SBNO2: variants seen among roughly 807,000 people sequenced by gnomAD.
The protein encoded by SBNO2 is protein strawberry notch homolog 2.
SBNO2 carries 89 observed loss-of-function variants against 146.3 expected under a neutral mutation model. The ratio of observed to expected loss-of-function variants is 0.61; its 90% CI spans 0.51 to 0.73. The LOEUF (loss-of-function observed/expected upper bound fraction) is 0.73. Among genes scored for constraint, SBNO2 ranks in the 30% least tolerant of loss-of-function variants. The pLI, the probability that SBNO2 is intolerant of heterozygous loss-of-function variation, is 0.00. For synonymous variants in SBNO2, 1,147 were observed against 892.6 expected (o/e 1.29, Z -5.08); for missense variants, 2,092 against 2,003.7 (o/e 1.04, Z -0.84).
At chr19:1,152,596 G>T (rs1306499160) in intron 2 of SBNO2, among the ~76,000 whole-genome samples, 2 of 151,058 alleles carry the variant, frequency 1.3e-5, no homozygotes, top group Non-Finnish European at 3.0e-5. Flanking sequence ...AACTAGGGAG[G>T]GGGACAGGAG....
At chr19:1,168,821 G>C (rs998132924) in intron 1 of SBNO2, 3 of 152,200 alleles carry the variant, frequency 2.0e-5, no homozygotes, top group Non-Finnish European at 4.4e-5. Context: ...AAGTGAGTCA[G>C]TTCCAGAAAC....
At chr19:1,133,032 G>A (rs549994959) in intron 4 of SBNO2, among the ~76,000 whole-genome samples, 1 of 152,306 alleles carries the variant, frequency 6.6e-6, no homozygotes, top group Admixed American at 6.5e-5. Flanking sequence ...GCATCACAGG[G>A]GCCTAGACAC....
Position 1,122,658 on chromosome 19 carries a change from C to T in SBNO2, c.914G>A (p.Trp305Ter). 1 of 1,534,736 alleles carries T rather than the reference C, an allele frequency of 6.5e-7. No homozygotes were observed. Among genetic ancestry groups the T allele is most frequent in the Non-Finnish European group, 8.7e-7 (1 of 1,145,920 alleles). ...NHLRGRKKAL[W>*]FSVSNDLKYD... Reference sequence around the variant, plus strand: ...CCCCCTGCCCCAGGCAGGGCCTCACCACAATGCTTTCTTCCGGCCGCGCAG... The same window carrying T: ...CCCCCTGCCCCAGGCAGGGCCTCACTACAATGCTTTCTTCCGGCCGCGCAG... Residue 305 changes from tryptophan (W) to a stop codon, truncating the protein, a stop_gained and splice_region_variant, in exon 9 of 32, where the codon TGG (tryptophan) becomes TAG (stop). Transcript: ENST00000361757. LOFTEE classifies it high-confidence loss of function.
chr19:1,166,138 CCCCAGACCCCAGA>C (rs2080420735), intron 1 of SBNO2, among the ~76,000 whole-genome samples: 1 of 62,888 alleles, frequency 1.6e-5, no homozygotes, highest in African/African-American at 6.3e-5. Flanking sequence ...GACTTCAGAT[CCCCAGACCCCAGA>C]TCCCAGACTT....
At position 1,114,139 on chromosome 19, in the gene SBNO2, C is replaced by T. The variant is rs889470390; in HGVS notation, c.2077+92G>A. 4 of 1,201,626 alleles carry T rather than the reference C, an allele frequency of 3.3e-6. No homozygotes were observed. In the South Asian group the frequency reaches 7.2e-5, roughly 22 times the overall value. The allele number at this position is 1,201,626 out of a possible 1,614,324, so 74.4% of individuals were successfully genotyped here. ...GGTGACCGCCAGGAGGCCGGGGGAGCCTCAGGCTGGAATCCTGACCCAGAG... is the reference window on the plus strand; with the variant it reads ...GGTGACCGCCAGGAGGCCGGGGGAGTCTCAGGCTGGAATCCTGACCCAGAG... On this transcript the variant is annotated intron_variant, in intron 18 of 31. Transcript: ENST00000361757.
rs574097461 is a variant in SBNO2 at position 1,140,736 on chromosome 19, C to A, written c.279+6573G>T. 1.3e-5 allele frequency among the ~76,000 whole-genome samples: 2 copies of A among 152,180 alleles called. No homozygotes were observed. The highest frequency in any genetic ancestry group is 4.1e-4 in the South Asian group (2 of 4,834). On this transcript the variant is annotated intron_variant, in intron 4 of 31. Transcript: ENST00000361757. The surrounding 1 kb of genome is among the most constrained non-coding windows in gnomAD (Gnocchi z 4.4). Reference sequence around the variant, plus strand: ...CAGGGATGCCCGCAGGCAGCTCCCACGGGCAGAGGCTGCTGACCCCGCCTT... The same window carrying A: ...CAGGGATGCCCGCAGGCAGCTCCCAAGGGCAGAGGCTGCTGACCCCGCCTT...
rs1416606111 is a variant in SBNO2 at position 1,140,037 on chromosome 19, C to T, written c.279+7272G>A. Among the ~76,000 whole-genome samples the T allele has an allele frequency of 3.3e-5, 5 of 152,134 alleles. No homozygotes were observed. The highest frequency in any genetic ancestry group is 9.7e-5 in the African/African-American group (4 of 41,424). On this transcript the variant is annotated intron_variant, in intron 4 of 31. Coordinates refer to ENST00000361757, the MANE Select transcript of SBNO2 (RefSeq NM_014963.3). This position sits in a 1 kb window ranked among gnomAD's most constrained non-coding sequence, Gnocchi z 4.4. ...AATGCAGGCCGGGCGCGGTGGCTCA[C>T]GCCTGTAATCCCAATGCTTTGGGAG...
chr19:1,166,479 G>A (rs938869406), intron 1 of SBNO2, among the ~76,000 whole-genome samples: 1 of 152,138 alleles, frequency 6.6e-6, no homozygotes, highest in Non-Finnish European at 1.5e-5. Flanking sequence ...TGAGGAGCCC[G>A]CTCGGGTCTT....
rs748245827 is a variant in SBNO2 at position 1,119,552 on chromosome 19, C to G, written c.1337G>C (p.Arg446Pro). 4.3e-6 allele frequency: 7 copies of G among 1,611,166 alleles called. No individual in the cohort carries two copies. The highest frequency in any genetic ancestry group is 5.1e-6 in the Non-Finnish European group (6 of 1,178,968). Residue 446 changes from arginine (R) to proline (P), a missense_variant, in exon 13 of 32, where the codon CGG becomes CCG. Coordinates refer to ENST00000361757, the MANE Select transcript of SBNO2 (RefSeq NM_014963.3). The part of the protein sequence containing the change: ...LGIWGEGTPF[R>P]NFEEFLHAIE... ...GGCGTGCAGGAACTCCTCAAAGTTC[C>G]GGAAGGGTGTGCCCTCGCCCCAGAT...
At chr19:1,153,727 G>A (rs1043949253) in intron 2 of SBNO2, among the ~76,000 whole-genome samples, 14 of 150,024 alleles carry the variant, frequency 9.3e-5, no homozygotes, top group Non-Finnish European at 1.5e-4. Flanking sequence ...TAGCAGAAGC[G>A]AGGTTTCACT....
intron 4 of SBNO2, among the ~76,000 whole-genome samples, chr19:1,138,328 G>C (rs912856983): frequency 1.3e-5 from 2 of 151,610 alleles, no homozygotes; most frequent in African/African-American, 4.9e-5. Flanking sequence ...GCTGGGCCTG[G>C]AGCAGGGGAC....
chr19:1,135,086 C>A (rs979585747), intron 4 of SBNO2, among the ~76,000 whole-genome samples: 1 of 145,328 alleles, frequency 6.9e-6, no homozygotes. Flanking sequence ...TTTGGCCGAG[C>A]GTAGTGGCTC....
intron 4 of SBNO2, among the ~76,000 whole-genome samples, chr19:1,135,770 G>A (rs1287020777): frequency 1.3e-5 from 2 of 152,306 alleles, no homozygotes; most frequent in East Asian, 3.9e-4. Context: ...GGGATGGGAG[G>A]GGCTCCTCCT....
At chr19:1,153,315 G>A (rs2080259741) in intron 2 of SBNO2, among the ~76,000 whole-genome samples, 1 of 150,274 alleles carries the variant, frequency 6.7e-6, no homozygotes, top group Non-Finnish European at 1.5e-5. Flanking sequence ...TCTGCTCACT[G>A]CAGCCTCTGC....
Position 1,122,933 on chromosome 19 carries a change from C to A in SBNO2, c.741G>T (p.Leu247=). The A allele has an allele frequency of 6.4e-7, 1 of 1,557,354 alleles. No individual in the cohort carries two copies. The change falls in exon 8 of 32, where the codon CTG becomes CTT. Residue 247 remains leucine, a synonymous_variant. Transcript: ENST00000361757. ...TGATGGCCTCTAGCTGCAGGGCAGA[C>A]AGGGCCCCGCTGTCCGAGGGCAGGG... The part of the protein sequence containing the change: ...TLALPSDSGA[L]SALQLEAITY...
Position 1,112,338 on chromosome 19 carries a change from G to T in SBNO2, c.2516-37C>A, listed in dbSNP as rs763329384. 5.7e-6 allele frequency: 9 copies of T among 1,566,176 alleles called. No individual in the cohort carries two copies. The highest frequency in any genetic ancestry group is 8.6e-7 in the Non-Finnish European group (1 of 1,157,730). On this transcript the variant is annotated intron_variant, in intron 21 of 31. Coordinates refer to ENST00000361757, the MANE Select transcript of SBNO2 (RefSeq NM_014963.3). The surrounding 1 kb of genome is among the most constrained non-coding windows in gnomAD (Gnocchi z 5.9). ...GCTGCTCTCAGGGCCCGGCCAGGCG[G>T]GGGCGGGGCCGAGACCATGTTGGGG... is the stretch of plus-strand genomic sequence containing the variant.
At position 1,123,019 on chromosome 19, in the gene SBNO2, G is replaced by C; in HGVS notation, c.655C>G (p.Arg219Gly). The C allele has an allele frequency of 6.3e-7, 1 of 1,590,616 alleles. No homozygotes were observed. The highest frequency in any genetic ancestry group is 8.6e-7 in the Non-Finnish European group (1 of 1,169,172). The change falls in exon 8 of 32, where the codon CGC becomes GGC. Residue 219 changes from arginine (R) to glycine (G), a missense_variant. Physicochemically the swap from Arg to Gly is moderately radical, Grantham distance 125. Coordinates refer to ENST00000361757, the MANE Select transcript of SBNO2 (RefSeq NM_014963.3). ...GACAGTGTGCTGGTCTCCACCACGCGGTCTGGGTGCTGCTTCCCGATCTTG... is the reference window on the plus strand; with the variant it reads ...GACAGTGTGCTGGTCTCCACCACGCCGTCTGGGTGCTGCTTCCCGATCTTG... ...KSKIGKQHPDRVVETSTLSSV... is the reference protein window; with the variant it reads ...KSKIGKQHPDGVVETSTLSSV...
At position 1,108,462 on chromosome 19, in the gene SBNO2, CG is replaced by C. The variant is rs1217862518; in HGVS notation, c.3858del (p.Gly1287AlafsTer66). On this transcript the variant is annotated frameshift_variant, in exon 32 of 32. Coordinates refer to ENST00000361757, the MANE Select transcript of SBNO2 (RefSeq NM_014963.3). LOFTEE classifies it low-confidence loss of function (END_TRUNC). ...FPAPLSLDAG[P>X]GVVPLGTPDA... is the part of the protein sequence containing the mutation. ...TCGGGGGTGCCCAGCGGCACGACGC[CG>C]GGGCCGGCGTCCAGGGACAGCGGCG... The C allele has an allele frequency of 1.6e-6, 2 of 1,225,956 alleles. No homozygotes were observed. Among genetic ancestry groups the C allele is most frequent in the Non-Finnish European group, 2.0e-6 (2 of 979,662 alleles). 75.9% of individuals were successfully genotyped at this position (1,225,956 alleles called of 1,614,324 possible). A position where few individuals can be genotyped will look rare whatever the true frequency, so the allele number is the denominator to read the frequency against.
intron 4 of SBNO2, among the ~76,000 whole-genome samples, chr19:1,146,439 C>T (rs11882148): frequency 0.074 from 11,255 of 152,140 alleles, 1,346 homozygotes; most frequent in African/African-American, 0.26. Flanking sequence ...TGGATCTGGC[C>T]GGCTTGCGCC....
Sources: gnomAD v4.1 joint callset for allele counts (sites outside exome capture counted in the v4.1 genomes callset) on GRCh38, gnomAD v4.1.1 for gene constraint, Gnocchi (gnomAD v3.1) non-coding constraint, MANE v1.5 for transcripts, NCBI Gene and HGNC (gene_info 2026-07-23, HGNC 2026-07-21) for gene names.